Variants in ABHD12B observed in about 807,000 individuals in gnomAD.
ABHD12B encodes abhydrolase domain containing 12B.
A neutral mutation model predicts 50.4 loss-of-function variants in ABHD12B; 42 were observed. That is an observed-to-expected ratio of 0.83 (90% confidence interval 0.65 to 1.08). The LOEUF (loss-of-function observed/expected upper bound fraction) is 1.08. ABHD12B is among the 50% of genes least tolerant of loss of function. The pLI is 0.00. For missense variants in ABHD12B, 479 were observed against 447.7 expected, an observed-to-expected ratio of 1.07 and a Z score of -0.63; for synonymous variants, 167 against 160.3, an observed-to-expected ratio of 1.04 and a Z score of -0.32.
intron 4 of ABHD12B, among the ~76,000 whole-genome samples, chr14:50,880,987 T>A (rs2049934967): frequency 6.6e-6 from 1 of 152,162 alleles, no homozygotes; most frequent in South Asian, 2.1e-4. Flanking sequence ...TTAGCTTTAA[T>A]GTTATTAGCT....
chr14:50,898,603 G>A (rs1459310056), intron 9 of ABHD12B, among the ~76,000 whole-genome samples: 2 of 152,180 alleles, frequency 1.3e-5, no homozygotes, highest in Non-Finnish European at 2.9e-5. Flanking sequence ...AAGGGAATGA[G>A]GAATAATGAG....
In ABHD12B at chr14:50,881,282, G is replaced by A. The variant is rs887133757; in HGVS notation, c.456-314G>A. Among the ~76,000 whole-genome samples, 4 of 152,206 alleles carry A rather than the reference G, an allele frequency of 2.6e-5. No homozygotes were observed. The East Asian group carries it at 7.7e-4, about 29-fold the overall frequency. Reference sequence around the variant, plus strand: ...GAAACACACAGATCTCCACCATCTTGGGAGGAGCACCTGCCTGTGACTCCC... The same window carrying A: ...GAAACACACAGATCTCCACCATCTTAGGAGGAGCACCTGCCTGTGACTCCC... On this transcript the variant is annotated intron_variant, in intron 4 of 12. Coordinates refer to ENST00000337334, the MANE Select transcript of ABHD12B (RefSeq NM_001206673.2).
intron 9 of ABHD12B, among the ~76,000 whole-genome samples, chr14:50,901,582 A>G (rs2050260352): frequency 6.6e-6 from 1 of 152,246 alleles, no homozygotes; most frequent in South Asian, 2.1e-4. Flanking sequence ...TAGGAAGTGA[A>G]AACAAAATGT....
At position 50,880,522 on chromosome 14, in the gene ABHD12B, C is replaced by T. The variant is rs374247021; in HGVS notation, c.406C>T (p.Arg136Cys). 11 of 1,608,122 alleles carry T rather than the reference C, an allele frequency of 6.8e-6. No homozygotes were observed. Among genetic ancestry groups the T allele is most frequent in the African/African-American group, 5.4e-5 (4 of 74,582 alleles). Residue 136 changes from arginine (R) to cysteine (C), a missense_variant, in exon 4 of 13, where the codon CGT (arginine) becomes TGT (cysteine). By Grantham distance (180) the Arg-to-Cys change is radical. Coordinates refer to ENST00000337334, the MANE Select transcript of ABHD12B (RefSeq NM_001206673.2). ...CTGTTGCTGGTATGAAGCAGCCCTTCGTGATGGGAACCCAATTATTGTTTA... is the reference window on the plus strand; with the variant it reads ...CTGTTGCTGGTATGAAGCAGCCCTTTGTGATGGGAACCCAATTATTGTTTA... ...KDCCWYEAAL[R>C]DGNPIIVYLH...
intron 5 of ABHD12B, among the ~76,000 whole-genome samples, chr14:50,883,534 A>G (rs2049988790): frequency 6.6e-6 from 1 of 152,192 alleles, no homozygotes; most frequent in Admixed American, 6.5e-5. Context: ...TGCCCTTTGC[A>G]TTCCCCACGT....
At chr14:50,884,619 TTAAA>T (rs1176720944) in intron 5 of ABHD12B, among the ~76,000 whole-genome samples, 1 of 152,232 alleles carries the variant, frequency 6.6e-6, no homozygotes, top group Non-Finnish European at 1.5e-5. Context: ...GTTGTGAGGA[TTAAA>T]TAAAGTTTCA....
chr14:50,884,912 T>C (rs1359968531), intron 5 of ABHD12B, among the ~76,000 whole-genome samples: 1 of 152,104 alleles, frequency 6.6e-6, no homozygotes, highest in Non-Finnish European at 1.5e-5. Context: ...AAAATTATGT[T>C]TTCATTATTC....
rs116775916 is a variant in ABHD12B, at chr14:50,875,164, G to A, written c.105-2788G>A. ...ACAATTCAAGGCCAGCTGAGGCCCC[G>A]TTATTATTTGTGGGAGGAAAGACAA... On this transcript the variant is annotated intron_variant, in intron 1 of 12. Coordinates refer to ENST00000337334, the MANE Select transcript of ABHD12B (RefSeq NM_001206673.2). 7.9e-3 allele frequency among the ~76,000 whole-genome samples: 1,207 copies of A among 152,268 alleles called. 21 individuals carry two copies. Among genetic ancestry groups the A allele is most frequent in the African/African-American group, 0.026 (1,091 of 41,550 alleles).
At chr14:50,897,128 A>G (rs2050210185) in intron 9 of ABHD12B, among the ~76,000 whole-genome samples, 1 of 142,710 alleles carries the variant, frequency 7.0e-6, no homozygotes, top group East Asian at 2.1e-4. Flanking sequence ...ACTGGAGTGC[A>G]GTGGCGTGAT....
chr14:50,890,032 C>T (rs1314029254), intron 9 of ABHD12B, among the ~76,000 whole-genome samples: 2 of 152,128 alleles, frequency 1.3e-5, no homozygotes, highest in Non-Finnish European at 2.9e-5. Context: ...CTAAGTTTAA[C>T]TAAATATAGG....
intron 9 of ABHD12B, among the ~76,000 whole-genome samples, chr14:50,889,146 A>G (rs1016180448): frequency 6.6e-6 from 1 of 152,220 alleles, no homozygotes; most frequent in African/African-American, 2.4e-5. Context: ...TTTGTAGTAG[A>G]TAGACTTGCC....
chr14:50,904,325 T>C lies in ABHD12B; in HGVS notation c.1062-14T>C. On this transcript the variant is annotated splice_polypyrimidine_tract_variant and intron_variant, in intron 12 of 12. Transcript: ENST00000337334. Reference sequence around the variant, plus strand: ...GGGAAAGGGTGTGAGCTGATCTGGGTCCTTTTTCTACAGAGATTTCCTGAG... The same window carrying C: ...GGGAAAGGGTGTGAGCTGATCTGGGCCCTTTTTCTACAGAGATTTCCTGAG... 6.2e-7 allele frequency: 1 copy of C among 1,613,750 alleles called. No individual in the cohort carries two copies.
intron 7 of ABHD12B, 143 bp downstream of exon 7, chr14:50,886,038 G>T: frequency 8.2e-7 from 1 of 1,226,150 alleles, no homozygotes; most frequent in Non-Finnish European, 1.1e-6. Flanking sequence ...AGAAGTGGCT[G>T]AAGATCTTGC....
intron 9 of ABHD12B, chr14:50,892,394 C>G: frequency 1.0e-6 from 1 of 985,272 alleles, no homozygotes; most frequent in African/African-American, 1.7e-5. Context: ...CAGGCAAAGT[C>G]TAGCTTTGGC....
intron 9 of ABHD12B, among the ~76,000 whole-genome samples, chr14:50,894,868 G>T (rs2050173605): frequency 6.7e-6 from 1 of 148,212 alleles, no homozygotes; most frequent in South Asian, 2.1e-4. Flanking sequence ...GCCAGGCCGA[G>T]CTAGGCCTCA....
chr14:50,900,169 G>A (rs994715979), intron 9 of ABHD12B, among the ~76,000 whole-genome samples: 4 of 152,046 alleles, frequency 2.6e-5, no homozygotes, highest in Admixed American at 6.6e-5. Flanking sequence ...GAGTTTGAGC[G>A]CTGCAGTGAG....
At chr14:50,900,590 C>G (rs2142770942) in intron 9 of ABHD12B, among the ~76,000 whole-genome samples, 1 of 152,286 alleles carries the variant, frequency 6.6e-6, no homozygotes, top group East Asian at 1.9e-4. Flanking sequence ...GGTTTGGTAG[C>G]TGGTTATGGA....
At chr14:50,881,516 A>G in intron 4 of ABHD12B, 80 bp from the exon 5 acceptor site, 1 of 1,503,366 alleles carries the variant, frequency 6.7e-7, no homozygotes, top group Non-Finnish European at 9.1e-7. Context: ...TACCAGCAGC[A>G]CGAGAGTGAT....
chr14:50,904,407 A>C lies in ABHD12B; in HGVS notation c.*41A>C, dbSNP rs748216479. On this transcript the variant is annotated 3_prime_UTR_variant, in exon 13 of 13. Transcript: ENST00000337334. ...AAATCTTCAATGAAGACTTGGCCCAAACACCACCTGTGATGTATATTGTTC... is the reference window on the plus strand; with the variant it reads ...AAATCTTCAATGAAGACTTGGCCCACACACCACCTGTGATGTATATTGTTC... 36 of 1,612,836 alleles carry C rather than the reference A, an allele frequency of 2.2e-5. No homozygotes were observed. Among genetic ancestry groups the C allele is most frequent in the Non-Finnish European group, 3.1e-5 (36 of 1,179,456 alleles).
Sources: allele counts gnomAD v4.1 joint callset (sites outside exome capture counted in the v4.1 genomes callset), GRCh38; gene constraint gnomAD v4.1.1; transcripts MANE v1.5; gene names NCBI Gene and HGNC (gene_info 2026-07-23, HGNC 2026-07-21).